KCNQ3: variants seen among roughly 807,000 people sequenced by gnomAD.
KCNQ3 encodes the protein potassium voltage-gated channel subfamily Q member 3, also known as potassium voltage-gated channel subfamily KQT member 3.
A neutral mutation model predicts 92.5 loss-of-function variants in KCNQ3; 30 were observed. The observed-to-expected ratio is 0.32, with a 90% CI of 0.24 to 0.44. The LOEUF is 0.44. Among genes scored for constraint, KCNQ3 ranks in the 20% least tolerant of loss-of-function variants. KCNQ3 has a pLI of 1.00. For synonymous variants in KCNQ3, 450 were observed against 468.8 expected (o/e 0.96, Z 0.52); for missense variants, 913 against 1,140.3 (o/e 0.80, Z 2.87).
chr8:132,386,447 A>C (rs1819893053), intron 1 of KCNQ3, among the ~76,000 whole-genome samples: 1 of 152,136 alleles, frequency 6.6e-6, no homozygotes, highest in South Asian at 2.1e-4. Flanking sequence ...CAAAAATATT[A>C]ATTATAGCTA....
At chr8:132,218,237 G>T (rs1814105685) in intron 1 of KCNQ3, among the ~76,000 whole-genome samples, 1 of 152,196 alleles carries the variant, frequency 6.6e-6, no homozygotes, top group African/African-American at 2.4e-5. Context: ...CATCCCACAT[G>T]TGCTGCACCC....
chr8:132,137,810 A>G (rs1407390528), intron 12 of KCNQ3, 75 bp downstream of exon 12: 1 of 1,541,002 alleles, frequency 6.5e-7, no homozygotes, highest in Non-Finnish European at 9.0e-7. Context: ...TTATTTCTGA[A>G]TACCTCTCAC....
intron 1 of KCNQ3, among the ~76,000 whole-genome samples, chr8:132,479,923 C>G (rs1822504792): frequency 6.7e-6 from 1 of 148,192 alleles, no homozygotes; most frequent in Non-Finnish European, 1.5e-5. Context: ...TTTTAAGCCC[C>G]TAGTGTGGAA....
rs1405348592 is a variant in KCNQ3 at position 132,140,067 on chromosome 8, G to A, written c.1568+9C>T. On this transcript the variant is annotated intron_variant, in intron 11 of 14. Transcript: ENST00000388996. The stretch of plus-strand genomic sequence containing the variant: ...CACACAGGCACAGGTGGGACCGTGG[G>A]GGCATTACCTGACGGCTCGGATGGC... 1.9e-6 allele frequency: 3 copies of A among 1,577,574 alleles called. No individual in the cohort carries two copies. The highest frequency in any genetic ancestry group is 3.5e-5 in the Admixed American group (2 of 57,650).
In KCNQ3 at chr8:132,175,530, C is replaced by T. The variant is rs549372035; in HGVS notation, c.856G>A (p.Val286Ile). 2.5e-5 allele frequency: 40 copies of T among 1,614,124 alleles called. No individual in the cohort carries two copies. The highest frequency in any genetic ancestry group is 2.0e-4 in the South Asian group (18 of 91,086). ...TCTCCTTGTGCATCCACCTCTGGGACGTCTTTCTCAACCAGGTAGACAAGA... is the reference window on the plus strand; with the variant it reads ...TCTCCTTGTGCATCCACCTCTGGGATGTCTTTCTCAACCAGGTAGACAAGA... Reference protein sequence around the residue: ...SFLVYLVEKDVPEVDAQGEEM... With the variant: ...SFLVYLVEKDIPEVDAQGEEM... Residue 286 changes from valine to isoleucine, a missense_variant, in exon 5 of 15, where the codon GTC becomes ATC. This residue lies in a region of KCNQ3 where 100 missense variants were observed against 217.6 expected (regional missense o/e 0.46). Transcript: ENST00000388996.
At chr8:132,147,293 C>T (rs777718304) in intron 9 of KCNQ3, among the ~76,000 whole-genome samples, 2 of 152,142 alleles carry the variant, frequency 1.3e-5, no homozygotes, top group Non-Finnish European at 2.9e-5. Context: ...CCTGGTTTCT[C>T]GTTGCACAGA....
At chr8:132,463,515 A>G (rs1021575214) in intron 1 of KCNQ3, among the ~76,000 whole-genome samples, 3 of 152,178 alleles carry the variant, frequency 2.0e-5, no homozygotes, top group Non-Finnish European at 2.9e-5. Flanking sequence ...CCTACTCTTC[A>G]AGTAAGCCGA....
intron 1 of KCNQ3, among the ~76,000 whole-genome samples, chr8:132,460,500 G>A (rs1204559575): frequency 1.3e-5 from 2 of 152,082 alleles, no homozygotes; most frequent in Admixed American, 1.3e-4. Flanking sequence ...TTAAACTCCA[G>A]TACACAAGTA....
chr8:132,469,631 T>TTAAAAGATGAAA (rs370336247), intron 1 of KCNQ3, among the ~76,000 whole-genome samples: 43 of 152,106 alleles, frequency 2.8e-4, no homozygotes, highest in African/African-American at 9.6e-4. Flanking sequence ...GTCCCGCTTG[T>TTAAAAGATGAAA]TAAAAGATGA....
chr8:132,379,585 C>T (rs774425347), intron 1 of KCNQ3, among the ~76,000 whole-genome samples: 15 of 152,270 alleles, frequency 9.9e-5, no homozygotes, highest in Non-Finnish European at 1.3e-4. Context: ...GTTGGCCCTA[C>T]GTGTTTGGCA....
In KCNQ3 at chr8:132,480,074, C is replaced by T. The variant is rs1193298357; in HGVS notation, c.386+73G>A. On this transcript the variant is annotated intron_variant, in intron 1 of 14. Coordinates refer to ENST00000388996, the MANE Select transcript of KCNQ3 (RefSeq NM_004519.4). Reference sequence around the variant, plus strand: ...ATGGGTCTTAAAGCCCCAGAGACTTCTCAGCTCCAGCCCCGACCCCAAGTC... The same window carrying T: ...ATGGGTCTTAAAGCCCCAGAGACTTTTCAGCTCCAGCCCCGACCCCAAGTC... The T allele has an allele frequency of 8.2e-6, 12 of 1,463,630 alleles. No homozygotes were observed. In the Middle Eastern group the frequency reaches 1.2e-3, roughly 151 times the overall value. The allele number at this position is 1,463,630 out of a possible 1,614,324, so 90.7% of individuals were successfully genotyped here.
rs534031745 is a variant in KCNQ3 at position 132,177,047 on chromosome 8, T to G, written c.778-1439A>C. 2.0e-4 allele frequency among the ~76,000 whole-genome samples: 30 copies of G among 152,300 alleles called. No homozygotes were observed. In the South Asian group the frequency reaches 2.3e-3, roughly 12 times the overall value. ...CATGGACTAGTCCTTACCCAGTGAT[T>G]GCCTGGGCATAAGCCTCTCGCCTAT... On this transcript the variant is annotated intron_variant, in intron 4 of 14. Coordinates refer to ENST00000388996, the MANE Select transcript of KCNQ3 (RefSeq NM_004519.4).
At chr8:132,238,723 C>G (rs1031351676) in intron 1 of KCNQ3, among the ~76,000 whole-genome samples, 3 of 152,116 alleles carry the variant, frequency 2.0e-5, no homozygotes, top group African/African-American at 7.2e-5. Flanking sequence ...ATACTCTAAG[C>G]ATGATGAATG....
intron 1 of KCNQ3, among the ~76,000 whole-genome samples, chr8:132,407,083 C>A (rs1462957292): frequency 4.6e-5 from 7 of 152,184 alleles, no homozygotes; most frequent in African/African-American, 1.7e-4. Flanking sequence ...ATGCCTTTAC[C>A]AGAAGACATT....
intron 8 of KCNQ3, 109 bp from the exon 9 acceptor site, chr8:132,163,603 T>C (rs775578819): frequency 1.0e-6 from 1 of 974,252 alleles, no homozygotes; most frequent in Non-Finnish European, 1.6e-6. Context: ...GGAGCAGAGT[T>C]GAGCTCTAGG....
Position 132,174,257 on chromosome 8 carries a change from G to A in KCNQ3, c.1026C>T (p.Ser342=), listed in dbSNP as rs1057524036. Residue 342 remains serine, a synonymous_variant, in exon 6 of 15, where the codon TCC becomes TCT. Transcript: ENST00000388996. ...IAATFSLIGV[S]FFALPAGILG... ...TACTTACCGCTGGAAGGGCAAAAAA[G>A]GAGACGCCAATTAAGGAAAAGGTGG... 1.3e-6 allele frequency: 2 copies of A among 1,551,334 alleles called. No individual in the cohort carries two copies. Among genetic ancestry groups the A allele is most frequent in the East Asian group, 4.9e-5 (2 of 40,928 alleles).
Position 132,154,191 on chromosome 8 carries a change from AAGTTTTT to A in KCNQ3, c.1262+9270_1262+9276del, listed in dbSNP as rs1199785219. 7.6e-3 allele frequency among the ~76,000 whole-genome samples: 114 copies of A among 15,074 alleles called. 2 individuals carry two copies. The highest frequency in any genetic ancestry group is 0.034 in the African/African-American group (107 of 3,194). The allele number at this position is 15,074 out of a possible 152,430, so 9.9% of individuals were successfully genotyped here. A position where few individuals can be genotyped will look rare whatever the true frequency, so the allele number is the denominator to read the frequency against. On this transcript the variant is annotated intron_variant, in intron 9 of 14. Transcript: ENST00000388996. ...GCCTGATGTACCATCAAAAGGGTAA[AAGTTTTT>A]TTTTTTTTTTTTTTTTTTTTTTTTT... is the stretch of plus-strand genomic sequence containing the variant.
chr8:132,340,125 G>A (rs1390102946), intron 1 of KCNQ3, among the ~76,000 whole-genome samples: 1 of 152,198 alleles, frequency 6.6e-6, no homozygotes, highest in African/African-American at 2.4e-5. Flanking sequence ...ATGCTGGCGA[G>A]GCTGTGGAGA....
chr8:132,399,051 C>T (rs1820268146), intron 1 of KCNQ3, among the ~76,000 whole-genome samples: 1 of 152,154 alleles, frequency 6.6e-6, no homozygotes, highest in African/African-American at 2.4e-5. Context: ...AAAAGTCCAC[C>T]AACAAAATAG....
Sources: gnomAD v4.1 joint callset for allele counts (sites outside exome capture counted in the v4.1 genomes callset) on GRCh38, gnomAD v4.1.1 for gene constraint, gnomAD v4.1.1 regional missense constraint, MANE v1.5 for transcripts, NCBI Gene and HGNC (gene_info 2026-07-23, HGNC 2026-07-21) for gene names.